Variants in WWC2 observed in about 807,000 individuals in gnomAD.
WWC2 encodes protein WWC2.
WWC2 carries 101 observed loss-of-function variants against 138.5 expected under a neutral mutation model. The ratio of observed to expected loss-of-function variants is 0.73; its 90% confidence interval spans 0.62 to 0.86. WWC2 has a LOEUF of 0.86. Among genes scored for constraint, WWC2 ranks in the 40% least tolerant of loss-of-function variants. The pLI, the probability that WWC2 is intolerant of heterozygous loss-of-function variation, is 0.00. For synonymous variants in WWC2, 558 were observed against 538.4 expected, an observed-to-expected ratio of 1.04 and a Z score of -0.50; for missense variants, 1,420 against 1,419.4, an observed-to-expected ratio of 1.00 and a Z score of -0.01.
intron 21 of WWC2, among the ~76,000 whole-genome samples, chr4:183,307,663 C>T (rs571416964): frequency 2.0e-4 from 31 of 152,308 alleles, no homozygotes; most frequent in African/African-American, 7.0e-4. Flanking sequence ...TAGTGAATCA[C>T]ATCAACACCT....
chr4:183,246,340 C>G (rs1190553189), intron 6 of WWC2, among the ~76,000 whole-genome samples: 3 of 152,022 alleles, frequency 2.0e-5, no homozygotes, highest in Admixed American at 6.6e-5. Flanking sequence ...TAGTCCGCAT[C>G]TATGGGAAAA....
intron 1 of WWC2, among the ~76,000 whole-genome samples, chr4:183,142,671 G>A (rs1733336054): frequency 6.6e-6 from 1 of 152,172 alleles, no homozygotes. Context: ...GGGGAGCTGT[G>A]TCGTGTCTGT....
chr4:183,264,988 A>G lies in WWC2; in HGVS notation c.1920A>G (p.Lys640=). Residue 640 remains lysine (K), a synonymous_variant, in exon 12 of 23, where the codon AAA becomes AAG. Transcript: ENST00000403733. ...CCCTCCCCTCCATAGATGTGGAAAA[A>G]TCATTACCAAAAAGAAGAGTGATCC... ...PLYEGTADVE[K]SLPKRRVIHL... is the part of the protein sequence containing the mutation. 1 of 1,612,488 alleles carries G rather than the reference A, an allele frequency of 6.2e-7. No homozygotes were observed. Among genetic ancestry groups the G allele is most frequent in the Non-Finnish European group, 8.5e-7 (1 of 1,179,140 alleles).
At chr4:183,300,761 T>A (rs74842415) in intron 21 of WWC2, among the ~76,000 whole-genome samples, 4 of 151,978 alleles carry the variant, frequency 2.6e-5, no homozygotes, top group Middle Eastern at 3.2e-3. Context: ...TTTTTTTTTT[T>A]ATAAAACAAA....
chr4:183,278,029 G>A (rs1281065713), intron 16 of WWC2, among the ~76,000 whole-genome samples: 1 of 152,000 alleles, frequency 6.6e-6, no homozygotes, highest in African/African-American at 2.4e-5. Flanking sequence ...TGCTTTTGGT[G>A]TTTTAGACAT....
rs550639078 is a variant in WWC2 at position 183,270,933 on chromosome 4, G to C, written c.2401-147G>C. ...ATATCCCCATGTTTTAAAAAATCCAGCAATGCTTTATGTCAGGAGAATTGT... is the reference window on the plus strand; with the variant it reads ...ATATCCCCATGTTTTAAAAAATCCACCAATGCTTTATGTCAGGAGAATTGT... On this transcript the variant is annotated intron_variant, in intron 15 of 22. Coordinates refer to ENST00000403733, the MANE Select transcript of WWC2 (RefSeq NM_024949.6). 152 of 674,780 alleles carry C rather than the reference G, an allele frequency of 2.3e-4. 1 individual carries two copies. The South Asian group carries it at 4.1e-3, about 18-fold the overall frequency. The allele number at this position is 674,780 out of a possible 1,614,324, so 41.8% of individuals were successfully genotyped here.
At position 183,259,200 on chromosome 4, in the gene WWC2, C is replaced by T. The variant is rs567661508; in HGVS notation, c.1197-439C>T. Among the ~76,000 whole-genome samples, 5 of 152,252 alleles carry T rather than the reference C, an allele frequency of 3.3e-5. No homozygotes were observed. In the East Asian group the frequency reaches 9.7e-4, roughly 29 times the overall value. On this transcript the variant is annotated intron_variant, in intron 9 of 22. Coordinates refer to ENST00000403733, the MANE Select transcript of WWC2 (RefSeq NM_024949.6). ...GTTATCACTAAATACTATGTTGGAA[C>T]AAGCGTTACTAAATTCGGTATTTAG...
intron 1 of WWC2, among the ~76,000 whole-genome samples, chr4:183,161,055 A>G (rs1376354677): frequency 4.6e-5 from 7 of 152,086 alleles, no homozygotes; most frequent in Admixed American, 4.6e-4. Context: ...AAAATCATGA[A>G]ACAGGCATCT....
At chr4:183,207,502 A>G (rs1735478655) in intron 2 of WWC2, among the ~76,000 whole-genome samples, 1 of 152,188 alleles carries the variant, frequency 6.6e-6, no homozygotes, top group African/African-American at 2.4e-5. Context: ...ACTGTTGCGG[A>G]CATAAAACTG....
chr4:183,191,098 G>C (rs1470246411), intron 1 of WWC2, among the ~76,000 whole-genome samples: 3 of 152,102 alleles, frequency 2.0e-5, no homozygotes, highest in African/African-American at 7.2e-5. Flanking sequence ...TGGCACCAGA[G>C]CTCTATCTAG....
chr4:183,303,531 T>A (rs1738927622), intron 21 of WWC2, among the ~76,000 whole-genome samples: 1 of 152,148 alleles, frequency 6.6e-6, no homozygotes, highest in Non-Finnish European at 1.5e-5. Flanking sequence ...ATGACGACAG[T>A]CCTCACCGTG....
chr4:183,182,205 A>G (rs1397052865), intron 1 of WWC2, among the ~76,000 whole-genome samples: 2 of 152,140 alleles, frequency 1.3e-5, no homozygotes, highest in African/African-American at 2.4e-5. Flanking sequence ...AACTTCTTCA[A>G]AAGGGAAGTT....
chr4:183,194,759 G>GT (rs1735088490), intron 2 of WWC2, among the ~76,000 whole-genome samples: 1 of 152,192 alleles, frequency 6.6e-6, no homozygotes, highest in Non-Finnish European at 1.5e-5. Flanking sequence ...AGAAAGGAGC[G>GT]TAAGCACTCT....
chr4:183,227,696 T>A (rs1034933166), intron 4 of WWC2, among the ~76,000 whole-genome samples: 1 of 152,074 alleles, frequency 6.6e-6, no homozygotes, highest in Admixed American at 6.5e-5. Flanking sequence ...AGGTCCAAAA[T>A]TAGCAAGTAA....
rs180680866 is a variant in WWC2 at position 183,308,718 on chromosome 4, G to A, written c.3385-3623G>A. ...CATTTCCAGATAACTTATAACACCT[G>A]TTATAATTTAAATACTATGTAAATA... On this transcript the variant is annotated intron_variant, in intron 21 of 22. Coordinates refer to ENST00000403733, the MANE Select transcript of WWC2 (RefSeq NM_024949.6). Among the ~76,000 whole-genome samples the A allele has an allele frequency of 1.9e-4, 29 of 152,126 alleles. No homozygotes were observed. The East Asian group carries it at 4.8e-3, about 25-fold the overall frequency.
At chr4:183,233,057 A>G (rs1051499015) in intron 4 of WWC2, among the ~76,000 whole-genome samples, 1 of 151,182 alleles carries the variant, frequency 6.6e-6, no homozygotes, top group Admixed American at 6.6e-5. Flanking sequence ...TTGTGTGGAC[A>G]TAGGTTTCTA....
At chr4:183,104,737 T>G (rs749915616) in intron 1 of WWC2, among the ~76,000 whole-genome samples, 3 of 152,126 alleles carry the variant, frequency 2.0e-5, no homozygotes, top group Non-Finnish European at 4.4e-5. Flanking sequence ...CCAAAAGAAA[T>G]ATTCTTTTTA....
At position 183,245,517 on chromosome 4, in the gene WWC2, G is replaced by C; in HGVS notation, c.704G>C (p.Gly235Ala). The change falls in exon 6 of 23, where the codon GGA becomes GCA. Residue 235 changes from glycine to alanine, a missense_variant. Transcript: ENST00000403733. ...LKSIRKAISS[G>A]EKEKQDLMQS... is the part of the protein sequence containing the mutation. ...TCTATCAGAAAGGCAATTAGCTCAG[G>C]AGAAAAAGAAAAACAAGATCTGATG... 2.5e-6 allele frequency: 4 copies of C among 1,598,710 alleles called. No individual in the cohort carries two copies. The highest frequency in any genetic ancestry group is 3.4e-6 in the Non-Finnish European group (4 of 1,174,634).
At position 183,319,937 on chromosome 4, in the gene WWC2, G is replaced by T. The variant is rs557301657; in HGVS notation, c.*4208G>T. 2.5e-6 allele frequency: 4 copies of T among 1,613,502 alleles called. No homozygotes were observed. The East Asian group carries it at 8.9e-5, about 36-fold the overall frequency. ...CCAGGCCAAACCCAGAGACCAGCAG[G>T]CCCAGAAATCCCAGCCCATTTGACA... is the stretch of plus-strand genomic sequence containing the variant. On this transcript the variant is annotated 3_prime_UTR_variant, in exon 23 of 23. Coordinates refer to ENST00000403733, the MANE Select transcript of WWC2 (RefSeq NM_024949.6).
Sources: allele counts gnomAD v4.1 joint callset (sites outside exome capture counted in the v4.1 genomes callset), GRCh38; gene constraint gnomAD v4.1.1; transcripts MANE v1.5; gene names NCBI Gene and HGNC (gene_info 2026-07-23, HGNC 2026-07-21).